ADGRG7: variants seen among roughly 807,000 people sequenced by gnomAD.
ADGRG7 encodes G-protein coupled receptor 128.
In ADGRG7, 82 loss-of-function variants were observed where a neutral mutation model predicts 88.6. That is an observed-to-expected ratio of 0.93 (90% CI 0.77 to 1.11). ADGRG7 has a LOEUF of 1.11. Among genes scored for constraint, ADGRG7 ranks in the 50% most tolerant of loss-of-function variants. ADGRG7 has a pLI of 0.00. For missense variants in ADGRG7, 945 were observed against 953.4 expected (o/e 0.99, Z 0.12); for synonymous variants, 381 against 345.2 (o/e 1.10, Z -1.15).
chr3:100,634,410 T>G lies in ADGRG7; in HGVS notation c.447+1033T>G, dbSNP rs571495437. Among the ~76,000 whole-genome samples, 7 of 152,334 alleles carry G rather than the reference T, an allele frequency of 4.6e-5. No homozygotes were observed. In the South Asian group the frequency reaches 1.5e-3, roughly 32 times the overall value. On this transcript the variant is annotated intron_variant, in intron 4 of 15. Coordinates refer to ENST00000273352, the MANE Select transcript of ADGRG7 (RefSeq NM_032787.3). Reference sequence around the variant, plus strand: ...AATATTGTGCCAAATATTAATGTATTTATTAGTTTATCATATTTAATTTTT... The same window carrying G: ...AATATTGTGCCAAATATTAATGTATGTATTAGTTTATCATATTTAATTTTT...
intron 15 of ADGRG7, 46 bp from the exon 16 acceptor site, chr3:100,694,698 T>C: frequency 1.3e-6 from 2 of 1,569,410 alleles, no homozygotes; most frequent in East Asian, 2.2e-5. Flanking sequence ...TCCTTGATAC[T>C]GTATCTCAGC....
chr3:100,633,703 A>G (rs904749791), intron 4 of ADGRG7, among the ~76,000 whole-genome samples: 100 of 151,996 alleles, frequency 6.6e-4, no homozygotes, highest in African/African-American at 1.8e-3. Context: ...TGTATTTTTA[A>G]TAGAGATGGG....
At chr3:100,619,390 T>C (rs1707275506) in intron 1 of ADGRG7, among the ~76,000 whole-genome samples, 1 of 152,190 alleles carries the variant, frequency 6.6e-6, no homozygotes, top group Non-Finnish European at 1.5e-5. Flanking sequence ...CCAGAATCTC[T>C]GGGACACATT....
chr3:100,684,280 T>TTTATTTATTTATTTATTTAC (rs879903086), intron 15 of ADGRG7, among the ~76,000 whole-genome samples: 1 of 150,918 alleles, frequency 6.6e-6, no homozygotes, highest in Non-Finnish European at 1.5e-5. Flanking sequence ...TATTTATTTA[T>TTTATTTATTTATTTATTTAC]TGAGACAGGG....
intron 1 of ADGRG7, among the ~76,000 whole-genome samples, chr3:100,620,022 A>G (rs140198882): frequency 6.6e-6 from 1 of 152,024 alleles, no homozygotes; most frequent in South Asian, 2.1e-4. Flanking sequence ...TATTCCAATC[A>G]ATAGAAAAAG....
At chr3:100,680,345 G>A (rs970872901) in intron 15 of ADGRG7, among the ~76,000 whole-genome samples, 1 of 152,112 alleles carries the variant, frequency 6.6e-6, no homozygotes, top group South Asian at 2.1e-4. Flanking sequence ...ATCTATTTGT[G>A]CCTTTATATT....
chr3:100,670,727 A>G (rs1410100064), intron 15 of ADGRG7, among the ~76,000 whole-genome samples: 1 of 152,018 alleles, frequency 6.6e-6, no homozygotes, highest in Admixed American at 6.5e-5. Flanking sequence ...CCAGCCCCCG[A>G]CAGGCCCCAG....
intron 15 of ADGRG7, among the ~76,000 whole-genome samples, chr3:100,675,481 C>T (rs1183510354): frequency 1.3e-5 from 2 of 152,070 alleles, no homozygotes; most frequent in Non-Finnish European, 2.9e-5. Flanking sequence ...TAGTGTGTTG[C>T]TGAATTTGGT....
chr3:100,617,774 C>T (rs1424612755), intron 1 of ADGRG7, among the ~76,000 whole-genome samples: 1 of 152,064 alleles, frequency 6.6e-6, no homozygotes, highest in African/African-American at 2.4e-5. Context: ...GTTCTAGATC[C>T]CTGAGGAATC....
chr3:100,646,193 C>T (rs1559678224), intron 9 of ADGRG7, 85 bp downstream of exon 9: 1 of 589,380 alleles, frequency 1.7e-6, no homozygotes. Flanking sequence ...TAGAGTAATA[C>T]AGGGGAAGAA....
chr3:100,635,459 TAATC>T, intron 4 of ADGRG7: 2 of 1,024,480 alleles, frequency 2.0e-6, no homozygotes, highest in Non-Finnish European at 2.6e-6. Context: ...CCCTTATAGT[TAATC>T]AATCCTGTCA....
intron 14 of ADGRG7, among the ~76,000 whole-genome samples, chr3:100,660,345 T>A (rs1008028428): frequency 6.6e-6 from 1 of 152,152 alleles, no homozygotes; most frequent in Non-Finnish European, 1.5e-5. Context: ...TGCTCTGCCA[T>A]CCAGGCTGGA....
Position 100,609,870 on chromosome 3 carries a change from G to A in ADGRG7, c.14G>A (p.Arg5His), listed in dbSNP as rs925829954. MASC[R>H]AWNLRVLVAV... ...TTTGGCTTCACCATGGCTTCCTGCC[G>A]TGCCTGGAACCTTAGGGTGCTGGTG... Residue 5 changes from arginine to histidine, a missense_variant, in exon 1 of 16, where the codon CGT (arginine) becomes CAT (histidine). Coordinates refer to ENST00000273352, the MANE Select transcript of ADGRG7 (RefSeq NM_032787.3). The A allele has an allele frequency of 2.5e-5, 41 of 1,613,648 alleles. 1 individual carries two copies. Among genetic ancestry groups the A allele is most frequent in the Admixed American group, 3.3e-5 (2 of 59,996 alleles).
chr3:100,695,154 G>A lies in ADGRG7; in HGVS notation c.*153G>A, dbSNP rs146301357. The A allele has an allele frequency of 6.1e-4, 446 of 734,426 alleles. No individual in the cohort carries two copies. The highest frequency in any genetic ancestry group is 1.5e-3 in the Admixed American group (51 of 32,912). 45.5% of individuals were successfully genotyped at this position (734,426 alleles called of 1,614,324 possible). ...TAAAACCTGTTGTTTATTATTATTC[G>A]GCATAATGGACTTGGTAGTTTTTCT... On this transcript the variant is annotated 3_prime_UTR_variant, in exon 16 of 16. Coordinates refer to ENST00000273352, the MANE Select transcript of ADGRG7 (RefSeq NM_032787.3).
intron 14 of ADGRG7, among the ~76,000 whole-genome samples, chr3:100,662,356 C>T (rs1442093191): frequency 2.6e-5 from 4 of 152,170 alleles, no homozygotes; most frequent in Non-Finnish European, 5.9e-5. Flanking sequence ...AATTTAGCAA[C>T]ACGCTCTTAA....
At chr3:100,662,894 A>G (rs189658626) in intron 14 of ADGRG7, among the ~76,000 whole-genome samples, 4 of 152,246 alleles carry the variant, frequency 2.6e-5, no homozygotes, top group African/African-American at 9.6e-5. Context: ...AATAGGAAAT[A>G]TACTTGAAAA....
intron 4 of ADGRG7, among the ~76,000 whole-genome samples, chr3:100,634,126 A>G (rs951406506): frequency 6.6e-6 from 1 of 152,228 alleles, no homozygotes; most frequent in Non-Finnish European, 1.5e-5. Context: ...ATCTAACTAG[A>G]TGTTTTTTCA....
At chr3:100,635,284 C>T (rs1024707939) in intron 4 of ADGRG7, among the ~76,000 whole-genome samples, 4 of 152,074 alleles carry the variant, frequency 2.6e-5, no homozygotes, top group Non-Finnish European at 5.9e-5. Context: ...AAAATACAAA[C>T]CAAAATTTTA....
In ADGRG7 at chr3:100,629,709, T is replaced by C. The variant is rs1576316094; in HGVS notation, c.227T>C (p.Ile76Thr). ...GAGTGGAAAGGACTGAGATGTACAA[T>C]TGGTAAATTACTTGGGATAATGCTA... is the stretch of plus-strand genomic sequence containing the variant. Reference protein sequence around the residue: ...TEEWKGLRCTIANFCENSTYM... With the variant: ...TEEWKGLRCTTANFCENSTYM... The change falls in exon 2 of 16, where the codon ATT becomes ACT. Residue 76 changes from isoleucine (I) to threonine (T), a missense_variant and splice_region_variant. Physicochemically the swap from Ile to Thr is moderately conservative, Grantham distance 89 (BLOSUM62 -1). Coordinates refer to ENST00000273352, the MANE Select transcript of ADGRG7 (RefSeq NM_032787.3). 1 of 1,591,248 alleles carries C rather than the reference T, an allele frequency of 6.3e-7. No homozygotes were observed.
Sources: gnomAD v4.1 joint callset for allele counts (sites outside exome capture counted in the v4.1 genomes callset) on GRCh38, gnomAD v4.1.1 for gene constraint, MANE v1.5 for transcripts, NCBI Gene and HGNC (gene_info 2026-07-23, HGNC 2026-07-21) for gene names.